The following SCMH1 variants were observed in gnomAD, a reference collection of about 807,000 sequenced individuals.
SCMH1 encodes Scm polycomb group protein homolog 1.
SCMH1 carries 37 observed loss-of-function variants against 70.8 expected under a neutral mutation model. The ratio of observed to expected loss-of-function variants is 0.52; its 90% CI spans 0.40 to 0.69. SCMH1 has a LOEUF of 0.69. Among genes scored for constraint, SCMH1 ranks in the 30% least tolerant of loss-of-function variants. SCMH1 has a pLI of 0.00. For synonymous variants in SCMH1, 292 were observed against 307.4 expected, an observed-to-expected ratio of 0.95 and a Z score of 0.52; for missense variants, 607 against 827.3, an observed-to-expected ratio of 0.73 and a Z score of 3.27.
chr1:41,049,396 C>G (rs1411248315), intron 10 of SCMH1, among the ~76,000 whole-genome samples: 1 of 151,202 alleles, frequency 6.6e-6, no homozygotes, highest in South Asian at 2.1e-4. Flanking sequence ...TGTTTTGGGC[C>G]TTAGGGTCCC....
chr1:41,190,717 T>C (rs555988616), intron 1 of SCMH1, among the ~76,000 whole-genome samples: 1 of 152,302 alleles, frequency 6.6e-6, no homozygotes, highest in South Asian at 2.1e-4. Flanking sequence ...CAATACCAAC[T>C]TTCTTTCTGA....
chr1:41,070,773 C>T (rs553154035), intron 9 of SCMH1, 52 bp from the exon 10 acceptor site: 4 of 1,603,752 alleles, frequency 2.5e-6, no homozygotes, highest in Non-Finnish European at 1.7e-6. Context: ...TCTTTTCATT[C>T]CCTATTCTTG....
At chr1:41,190,296 T>C (rs1326336204) in intron 1 of SCMH1, among the ~76,000 whole-genome samples, 1 of 152,126 alleles carries the variant, frequency 6.6e-6, no homozygotes, top group Non-Finnish European at 1.5e-5. Flanking sequence ...TCTGGAGGGA[T>C]TTCATGTAGG....
intron 1 of SCMH1, among the ~76,000 whole-genome samples, chr1:41,222,503 T>C (rs992169504): frequency 6.6e-6 from 1 of 152,212 alleles, no homozygotes; most frequent in Non-Finnish European, 1.5e-5. Flanking sequence ...TAACTCTTTA[T>C]AACATGAGGC....
chr1:41,105,146 T>C (rs1667590923), intron 8 of SCMH1, among the ~76,000 whole-genome samples: 1 of 151,772 alleles, frequency 6.6e-6, no homozygotes, highest in Non-Finnish European at 1.5e-5. Flanking sequence ...TGTATTTTTG[T>C]AGAGACAGGG....
intron 1 of SCMH1, among the ~76,000 whole-genome samples, chr1:41,201,149 C>T (rs1654270366): frequency 1.3e-5 from 2 of 152,306 alleles, no homozygotes; most frequent in Admixed American, 6.5e-5. Flanking sequence ...TTGAACTTGA[C>T]AGAACAGCAT....
chr1:41,135,066 AAT>A (rs1643047814), intron 6 of SCMH1, among the ~76,000 whole-genome samples: 1 of 152,188 alleles, frequency 6.6e-6, no homozygotes, highest in African/African-American at 2.4e-5. Flanking sequence ...TGTTGTTTTA[AAT>A]ATGTTAAATC....
In SCMH1 at chr1:41,083,007, C is replaced by T. The variant is rs530299290; in HGVS notation, c.746-7556G>A. ...GTAAGAGCTATCTATGACAAACCCACAGCCAATATCATACTGAATGGGCCA... is the reference window on the plus strand; with the variant it reads ...GTAAGAGCTATCTATGACAAACCCATAGCCAATATCATACTGAATGGGCCA... On this transcript the variant is annotated intron_variant, in intron 8 of 14. Transcript: ENST00000337495. Among the ~76,000 whole-genome samples, 1,084 of 152,304 alleles carry T rather than the reference C, an allele frequency of 7.1e-3. 8 individuals carry two copies. The highest frequency in any genetic ancestry group is 0.025 in the African/African-American group (1,029 of 41,562).
chr1:41,068,013 CTT>C (rs1655253285), intron 10 of SCMH1, among the ~76,000 whole-genome samples: 1 of 152,146 alleles, frequency 6.6e-6, no homozygotes, highest in African/African-American at 2.4e-5. Context: ...AAAAAGAGCT[CTT>C]GATAAACAAG....
At chr1:41,233,659 T>C (rs569429121) in intron 1 of SCMH1, among the ~76,000 whole-genome samples, 1 of 152,314 alleles carries the variant, frequency 6.6e-6, no homozygotes, top group South Asian at 2.1e-4. Context: ...TACTGTAACT[T>C]ACAGCAAAAT....
At chr1:41,058,095 TGA>T (rs930416349) in intron 10 of SCMH1, among the ~76,000 whole-genome samples, 3 of 135,428 alleles carry the variant, frequency 2.2e-5, no homozygotes, top group East Asian at 2.1e-4. Context: ...CACTCCAGCC[TGA>T]GAGACAGAGG....
chr1:41,186,892 A>G (rs1183635801), intron 1 of SCMH1, among the ~76,000 whole-genome samples: 1 of 152,088 alleles, frequency 6.6e-6, no homozygotes, highest in Non-Finnish European at 1.5e-5. Context: ...AACTTTGAGG[A>G]TATAAATTTC....
chr1:41,103,873 G>A (rs1312542029), intron 8 of SCMH1, among the ~76,000 whole-genome samples: 1 of 152,038 alleles, frequency 6.6e-6, no homozygotes, highest in Non-Finnish European at 1.5e-5. Context: ...CAATCAGTGG[G>A]AGAACCCAGA....
At chr1:41,143,958 A>T (rs1396304336) in intron 5 of SCMH1, among the ~76,000 whole-genome samples, 1 of 152,092 alleles carries the variant, frequency 6.6e-6, no homozygotes, top group Non-Finnish European at 1.5e-5. Flanking sequence ...GCTGACGGAG[A>T]TTTGGTTTGT....
chr1:41,156,324 C>A (rs566225627), intron 4 of SCMH1, among the ~76,000 whole-genome samples: 7 of 152,326 alleles, frequency 4.6e-5, no homozygotes, highest in African/African-American at 9.6e-5. Context: ...GCATAATCAA[C>A]ATCTTTAGAT....
chr1:41,132,539 C>A (rs1250493517), intron 6 of SCMH1, among the ~76,000 whole-genome samples: 3 of 152,112 alleles, frequency 2.0e-5, no homozygotes, highest in Admixed American at 2.0e-4. Flanking sequence ...TGCAGAAGTT[C>A]TTTATTTTAA....
intron 6 of SCMH1, among the ~76,000 whole-genome samples, chr1:41,130,152 T>C (rs1381042287): frequency 6.6e-6 from 1 of 152,220 alleles, no homozygotes; most frequent in Non-Finnish European, 1.5e-5. Flanking sequence ...TATATTCAAG[T>C]CCTTTGCTAA....
chr1:41,092,291 A>G (rs1353969686), intron 8 of SCMH1, among the ~76,000 whole-genome samples: 1 of 152,232 alleles, frequency 6.6e-6, no homozygotes, highest in Non-Finnish European at 1.5e-5. Context: ...CCTATTTAAT[A>G]AATGGTGCTG....
chr1:41,086,826 A>G (rs1231713742), intron 8 of SCMH1, among the ~76,000 whole-genome samples: 1 of 149,884 alleles, frequency 6.7e-6, no homozygotes, highest in East Asian at 2.0e-4. Context: ...GTTTGAGCTC[A>G]GGAGTTGGAG....
Sources: gnomAD v4.1 joint callset for allele counts (sites outside exome capture counted in the v4.1 genomes callset) on GRCh38, gnomAD v4.1.1 for gene constraint, MANE v1.5 for transcripts, NCBI Gene and HGNC (gene_info 2026-07-23, HGNC 2026-07-21) for gene names.